The following MCTP1 variants were observed in gnomAD, a reference collection of about 807,000 sequenced individuals.
The protein encoded by MCTP1 is multiple C2 and transmembrane domain-containing protein 1.
In MCTP1, 69 loss-of-function variants were observed where a neutral mutation model predicts 120.6. The observed-to-expected ratio is 0.57, with a 90% confidence interval of 0.47 to 0.70. MCTP1 has a LOEUF of 0.70. MCTP1 is among the 30% of genes least tolerant of loss of function. The pLI, the probability that MCTP1 is intolerant of heterozygous loss-of-function variation, is 0.00. For missense variants in MCTP1, 1,203 were observed against 1,248.8 expected (o/e 0.96, Z 0.55); for synonymous variants, 529 against 493.1 (o/e 1.07, Z -0.96).
intron 1 of MCTP1, among the ~76,000 whole-genome samples, chr5:95,169,401 T>C (rs1007152068): frequency 6.6e-6 from 1 of 152,180 alleles, no homozygotes; most frequent in African/African-American, 2.4e-5. Flanking sequence ...CAGGATGATG[T>C]TGGCCTCATA....
Position 94,708,569 on chromosome 5 carries a change from T to C in MCTP1, c.2871A>G (p.Ala957=). ...AGTCAAGTAGTTCATTGTTATCAAT[T>C]GCATATGGACTCCGAAGCTTTTTTG... The part of the protein sequence containing the change: ...KFTKKLRSPY[A]IDNNELLDFL... The change falls in exon 22 of 23, where the codon GCA becomes GCG. Residue 957 remains alanine, a synonymous_variant. Transcript: ENST00000515393. 6.2e-7 allele frequency: 1 copy of C among 1,611,612 alleles called. No homozygotes were observed. Among genetic ancestry groups the C allele is most frequent in the South Asian group, 1.1e-5 (1 of 90,998 alleles).
rs746583452 is a variant in MCTP1 at position 95,017,379 on chromosome 5, G to C, written c.826C>G (p.Arg276Gly). Residue 276 changes from arginine to glycine, a missense_variant, in exon 2 of 23, where the codon CGA becomes GGA. Coordinates refer to ENST00000515393, the MANE Select transcript of MCTP1 (RefSeq NM_024717.7). Reference protein sequence around the residue: ...TLRRGQSLAARDRGGTSDPYV... With the variant: ...TLRRGQSLAAGDRGGTSDPYV... ...CTTATGCTCTTACCTCCTCGATCTC[G>C]AGCAGCTAAACTTTGACCCCTTCTT... is the stretch of plus-strand genomic sequence containing the variant. 6.2e-7 allele frequency: 1 copy of C among 1,604,494 alleles called. No individual in the cohort carries two copies. The highest frequency in any genetic ancestry group is 2.2e-5 in the East Asian group (1 of 44,630).
At chr5:94,904,468 T>C (rs1806292416) in intron 10 of MCTP1, among the ~76,000 whole-genome samples, 1 of 152,208 alleles carries the variant, frequency 6.6e-6, no homozygotes, top group African/African-American at 2.4e-5. Context: ...GTAAATTTAC[T>C]TTTGTGTAAA....
chr5:94,923,982 C>A lies in MCTP1; in HGVS notation c.1252G>T (p.Val418Leu). 1 of 1,523,940 alleles carries A rather than the reference C, an allele frequency of 6.6e-7. No homozygotes were observed. Among genetic ancestry groups the A allele is most frequent in the African/African-American group, 1.4e-5 (1 of 69,396 alleles). The allele number at this position is 1,523,940 out of a possible 1,614,324, so 94.4% of individuals were successfully genotyped here. The change falls in exon 7 of 23, where the codon GTG becomes TTG. Residue 418 changes from valine (V) to leucine (L), a missense_variant. By Grantham distance (32) the Val-to-Leu change is conservative. Around this residue, in one of 2 missense-constraint regions of MCTP1, gnomAD observed 740 missense variants for 871.1 expected, o/e 0.85. Coordinates refer to ENST00000515393, the MANE Select transcript of MCTP1 (RefSeq NM_024717.7). ...ATTACCCTCCAAAAGAGAGACTTCA[C>A]AGAGAAATAAGATCCAACCACTTCA... The part of the protein sequence containing the change: ...ENEVVGSYFS[V>L]KSLFWRTCGR...
chr5:94,822,256 G>C (rs1785841443), intron 17 of MCTP1, among the ~76,000 whole-genome samples: 1 of 152,010 alleles, frequency 6.6e-6, no homozygotes, highest in South Asian at 2.1e-4. Flanking sequence ...TTCCCTCCCT[G>C]TGCCCATATG....
At chr5:95,244,404 G>A (rs186285773) in intron 1 of MCTP1, among the ~76,000 whole-genome samples, 6 of 152,166 alleles carry the variant, frequency 3.9e-5, no homozygotes, top group African/African-American at 1.4e-4. Flanking sequence ...CACAAGGGGT[G>A]GGGGGATTTC....
chr5:94,795,524 G>A (rs57663699), intron 18 of MCTP1, among the ~76,000 whole-genome samples: 25,733 of 152,142 alleles, frequency 0.17, 2,997 homozygotes, highest in African/African-American at 0.33. Flanking sequence ...AGGCAATGCC[G>A]GTGAGAATTT....
At chr5:94,976,421 T>C (rs1230429554) in intron 2 of MCTP1, among the ~76,000 whole-genome samples, 1 of 152,070 alleles carries the variant, frequency 6.6e-6, no homozygotes, top group Non-Finnish European at 1.5e-5. Flanking sequence ...ATGCACTCCA[T>C]TCTGGGCTTC....
chr5:95,031,999 G>A (rs1251819785), intron 1 of MCTP1, among the ~76,000 whole-genome samples: 1 of 151,964 alleles, frequency 6.6e-6, no homozygotes, highest in African/African-American at 2.4e-5. Context: ...ACAAATAAGG[G>A]CATTATGTAA....
chr5:94,978,288 A>G (rs1446573243), intron 2 of MCTP1, among the ~76,000 whole-genome samples: 2 of 152,082 alleles, frequency 1.3e-5, no homozygotes, highest in African/African-American at 4.8e-5. Context: ...GGAAAACAAT[A>G]TGGAGATTTC....
intron 19 of MCTP1, among the ~76,000 whole-genome samples, chr5:94,759,008 C>T (rs1770648358): frequency 6.6e-6 from 1 of 152,120 alleles, no homozygotes; most frequent in Admixed American, 6.6e-5. Context: ...TTGATACTTT[C>T]AACTTATAGT....
chr5:95,279,764 T>G (rs1760162144), intron 1 of MCTP1, among the ~76,000 whole-genome samples: 1 of 152,180 alleles, frequency 6.6e-6, no homozygotes, highest in Non-Finnish European at 1.5e-5. Context: ...TTTACTCCCT[T>G]TCTTTGGAAT....
At chr5:95,081,878 C>T (rs1434893629) in intron 1 of MCTP1, 3 of 979,972 alleles carry the variant, frequency 3.1e-6, no homozygotes, top group African/African-American at 3.5e-5. Flanking sequence ...GCAAAAGCCA[C>T]AACAGGAAAT....
intron 19 of MCTP1, among the ~76,000 whole-genome samples, chr5:94,754,647 T>C (rs1019122265): frequency 2.0e-5 from 3 of 152,220 alleles, no homozygotes; most frequent in African/African-American, 4.8e-5. Context: ...ATCAGTCTTT[T>C]CAGAAGTGCC....
At chr5:94,734,736 T>C (rs12109245) in intron 19 of MCTP1, among the ~76,000 whole-genome samples, 3,483 of 152,238 alleles carry the variant, frequency 0.023, 67 homozygotes, top group African/African-American at 0.05. Flanking sequence ...GGATTACAGA[T>C]GTGAGTGAGG....
chr5:95,250,788 TTTA>T (rs1562277825), intron 1 of MCTP1, among the ~76,000 whole-genome samples: 1 of 152,200 alleles, frequency 6.6e-6, no homozygotes, highest in African/African-American at 2.4e-5. Flanking sequence ...TCCTTATAGC[TTTA>T]TTATTATATT....
chr5:95,247,738 G>A (rs909862459), intron 1 of MCTP1, among the ~76,000 whole-genome samples: 6 of 152,208 alleles, frequency 3.9e-5, no homozygotes, highest in African/African-American at 1.4e-4. Context: ...TAATTTGATT[G>A]CACTGTGGTG....
chr5:94,761,387 G>A (rs1380400588), intron 19 of MCTP1, among the ~76,000 whole-genome samples: 1 of 152,174 alleles, frequency 6.6e-6, no homozygotes, highest in African/African-American at 2.4e-5. Flanking sequence ...CTACAAGCAA[G>A]ATAAAAGAGT....
intron 17 of MCTP1, among the ~76,000 whole-genome samples, chr5:94,809,208 A>G (rs1174061377): frequency 6.6e-6 from 1 of 152,118 alleles, no homozygotes; most frequent in Non-Finnish European, 1.5e-5. Context: ...ATATCAATAG[A>G]ACCTGCCAGC....
Sources: gnomAD v4.1 joint callset for allele counts (sites outside exome capture counted in the v4.1 genomes callset) on GRCh38, gnomAD v4.1.1 for gene constraint, gnomAD v4.1.1 regional missense constraint, MANE v1.5 for transcripts, NCBI Gene and HGNC (gene_info 2026-07-23, HGNC 2026-07-21) for gene names.